Variants in IGFBPL1 observed in about 807,000 individuals in gnomAD.
IGFBPL1 encodes the protein insulin like growth factor binding protein like 1.
Under a neutral mutation model 23.9 loss-of-function variants are expected in IGFBPL1, and 20 were observed. The observed-to-expected ratio is 0.84, with a 90% CI of 0.59 to 1.22. IGFBPL1 has a LOEUF of 1.22. IGFBPL1 is among the 50% of genes most tolerant of loss of function. IGFBPL1 has a pLI of 0.00. For missense variants in IGFBPL1, 436 were observed against 379.3 expected, an observed-to-expected ratio of 1.15 and a Z score of -1.24; for synonymous variants, 184 against 171.8, an observed-to-expected ratio of 1.07 and a Z score of -0.56.
chr9:38,423,947 TC>T lies in IGFBPL1; in HGVS notation c.460+17del. 7.3e-7 allele frequency: 1 copy of T among 1,361,362 alleles called. No individual in the cohort carries two copies. Among genetic ancestry groups the T allele is most frequent in the South Asian group, 1.7e-5 (1 of 57,460 alleles). The allele number at this position is 1,361,362 out of a possible 1,614,324, so 84.3% of individuals were successfully genotyped here. A position where few individuals can be genotyped will look rare whatever the true frequency, so the allele number is the denominator to read the frequency against. ...AATCCCTCCTTCTCTACCCACCCAA[TC>T]CCCGACCCTGACTCACCGAACTCGC... On this transcript the variant is annotated intron_variant, in intron 1 of 4. Coordinates refer to ENST00000377694, the MANE Select transcript of IGFBPL1 (RefSeq NM_001007563.3).
At position 38,424,369 on chromosome 9, in the gene IGFBPL1, A is replaced by G. The variant is rs1419174396; in HGVS notation, c.56T>C (p.Leu19Pro). ...CCCAAGGCTCGGGGACAGCGGCGGC[A>G]GCAGCGGCAGCAGCAGCAGAAGCAG... ...PLLLLLLLPL[L>P]PPLSPSLGIR... Residue 19 changes from leucine to proline, a missense_variant, in exon 1 of 5, where the codon CTG becomes CCG. By Grantham distance (98) the Leu-to-Pro change is moderately conservative (BLOSUM62 -3). Transcript: ENST00000377694. The G allele has an allele frequency of 7.3e-6, 5 of 686,338 alleles. No homozygotes were observed. The highest frequency in any genetic ancestry group is 3.5e-5 in the East Asian group (1 of 28,234). 42.5% of individuals were successfully genotyped at this position (686,338 alleles called of 1,614,324 possible).
At chr9:38,417,639 G>A (rs565974099) in intron 1 of IGFBPL1, among the ~76,000 whole-genome samples, 1 of 152,318 alleles carries the variant, frequency 6.6e-6, no homozygotes, top group Non-Finnish European at 1.5e-5. Flanking sequence ...TACTCAGGCT[G>A]TGATTTAGTA....
At chr9:38,413,072 G>A (rs369636064) in intron 3 of IGFBPL1, among the ~76,000 whole-genome samples, 165 bp downstream of exon 3, 171 of 152,302 alleles carry the variant, frequency 1.1e-3, no homozygotes, top group African/African-American at 4.1e-3. Context: ...AGCAGAACAC[G>A]TATGTTCCCA....
chr9:38,417,975 TC>T (rs1291598433), intron 1 of IGFBPL1, among the ~76,000 whole-genome samples: 1 of 152,068 alleles, frequency 6.6e-6, no homozygotes, highest in Non-Finnish European at 1.5e-5. Flanking sequence ...GAAATCTAAG[TC>T]CCCAGATACC....
chr9:38,417,306 A>G (rs183858536), intron 1 of IGFBPL1, among the ~76,000 whole-genome samples: 14 of 152,282 alleles, frequency 9.2e-5, no homozygotes, highest in Non-Finnish European at 2.1e-4. Flanking sequence ...CCTTTTCCCT[A>G]GAGGACCCTT....
At position 38,424,095 on chromosome 9, in the gene IGFBPL1, C is replaced by T. The variant is rs1436016222; in HGVS notation, c.330G>A (p.Gln110=). The change falls in exon 1 of 5, where the codon CAG becomes CAA. Residue 110 remains glutamine, a synonymous_variant. Coordinates refer to ENST00000377694, the MANE Select transcript of IGFBPL1 (RefSeq NM_001007563.3). The part of the protein sequence containing the change: ...PEGTGLCVCA[Q]RGTVCGSDGR... ...CGTCGGAGCCGCAGACGGTGCCGCGCTGCGCGCACACGCAGAGCCCGGTGC... is the reference window on the plus strand; with the variant it reads ...CGTCGGAGCCGCAGACGGTGCCGCGTTGCGCGCACACGCAGAGCCCGGTGC... The T allele has an allele frequency of 6.6e-6, 9 of 1,369,856 alleles. No individual in the cohort carries two copies. The highest frequency in any genetic ancestry group is 8.5e-6 in the Non-Finnish European group (9 of 1,064,562). 84.9% of individuals were successfully genotyped at this position (1,369,856 alleles called of 1,614,324 possible).
In IGFBPL1 at chr9:38,411,541, G is replaced by A. The variant is rs755719618; in HGVS notation, c.696C>T (p.Pro232=). ...ACACACCCTCATCCTCCTTTCGCAG[G>A]GGGTTGATCTAGAAATACAACAGGC... ...HEATAWILIN[P]LRKEDEGVYQ... Residue 232 remains proline, a synonymous_variant, in exon 4 of 5, where the codon CCC becomes CCT. Coordinates refer to ENST00000377694, the MANE Select transcript of IGFBPL1 (RefSeq NM_001007563.3). 9 of 1,613,570 alleles carry A rather than the reference G, an allele frequency of 5.6e-6. No homozygotes were observed. The Admixed American group carries it at 1.5e-4, about 27-fold the overall frequency.
intron 1 of IGFBPL1, among the ~76,000 whole-genome samples, chr9:38,418,199 C>T (rs1821626921): frequency 6.6e-6 from 1 of 152,230 alleles, no homozygotes; most frequent in Non-Finnish European, 1.5e-5. Flanking sequence ...CAGCATGGCA[C>T]TGGAGTGCTC....
In IGFBPL1 at chr9:38,424,448, C is replaced by T. The variant is rs1821733381; in HGVS notation, c.-24G>A. On this transcript the variant is annotated 5_prime_UTR_variant, in exon 1 of 5. Coordinates refer to ENST00000377694, the MANE Select transcript of IGFBPL1 (RefSeq NM_001007563.3). ...ATGGCTTGCTCCGGGACAGCGGCGG[C>T]GCCTCTGCTTCGCGCTCCGCTCCGC... 2 of 508,074 alleles carry T rather than the reference C, an allele frequency of 3.9e-6. No individual in the cohort carries two copies. The highest frequency in any genetic ancestry group is 3.5e-5 in the Admixed American group (1 of 28,436). The allele number at this position is 508,074 out of a possible 1,614,324, so 31.5% of individuals were successfully genotyped here.
rs1271903870 is a variant in IGFBPL1, at chr9:38,407,213, C to T, written c.*2014G>A. ...AACCCCAGTAGACAAGAACAGCTTC[C>T]AGTGCCATCCATTTCAATTCTCATC... is the stretch of plus-strand genomic sequence containing the variant. On this transcript the variant is annotated 3_prime_UTR_variant, in exon 5 of 5. Coordinates refer to ENST00000377694, the MANE Select transcript of IGFBPL1 (RefSeq NM_001007563.3). 6.6e-6 allele frequency among the ~76,000 whole-genome samples: 1 copy of T among 152,252 alleles called. No homozygotes were observed. The highest frequency in any genetic ancestry group is 2.4e-5 in the African/African-American group (1 of 41,466).
chr9:38,408,584 C>T lies in IGFBPL1; in HGVS notation c.*643G>A, dbSNP rs1347010410. On this transcript the variant is annotated 3_prime_UTR_variant, in exon 5 of 5. Coordinates refer to ENST00000377694, the MANE Select transcript of IGFBPL1 (RefSeq NM_001007563.3). ...TTAGGAATAGAAGAGCTACAGCCAG[C>T]TGTCCACACGTTGGGGTAAAGCAAT... 6.6e-6 allele frequency among the ~76,000 whole-genome samples: 1 copy of T among 152,198 alleles called. No homozygotes were observed. The highest frequency in any genetic ancestry group is 1.5e-5 in the Non-Finnish European group (1 of 68,040).
chr9:38,424,301 G>A lies in IGFBPL1; in HGVS notation c.124C>T (p.Arg42Trp), dbSNP rs1821728707. ...GCAGGCGCCGGGCAGCCCTCTGGCC[G>A]GCACGGACCACACTTGGGGCGCCGG... ...GGRRPKCGPC[R>W]PEGCPAPAPC... Residue 42 changes from arginine (R) to tryptophan (W), a missense_variant, in exon 1 of 5, where the codon CGG becomes TGG. Arg to Trp is a moderately radical substitution (Grantham distance 101, BLOSUM62 -3). Transcript: ENST00000377694. The A allele has an allele frequency of 1.6e-6, 2 of 1,264,362 alleles. No homozygotes were observed. The highest frequency in any genetic ancestry group is 3.2e-5 in the Admixed American group (1 of 31,016). The allele number at this position is 1,264,362 out of a possible 1,614,324, so 78.3% of individuals were successfully genotyped here.
intron 4 of IGFBPL1, among the ~76,000 whole-genome samples, chr9:38,410,373 C>T (rs1821496232): frequency 6.6e-6 from 1 of 151,764 alleles, no homozygotes; most frequent in South Asian, 2.1e-4. Flanking sequence ...GTCCCAGCTA[C>T]TCGGGAGGCT....
rs953810572 is a variant in IGFBPL1 at position 38,408,347 on chromosome 9, G to A, written c.*880C>T. On this transcript the variant is annotated 3_prime_UTR_variant, in exon 5 of 5. Transcript: ENST00000377694. ...GGAGGCTGAGGTGGAACGATCACTCGAGCCCAGAAAGTGGAGGTTGCAGTG... is the reference window on the plus strand; with the variant it reads ...GGAGGCTGAGGTGGAACGATCACTCAAGCCCAGAAAGTGGAGGTTGCAGTG... Among the ~76,000 whole-genome samples the A allele has an allele frequency of 6.0e-5, 9 of 151,260 alleles. No homozygotes were observed. The highest frequency in any genetic ancestry group is 1.7e-4 in the African/African-American group (7 of 41,156).
intron 4 of IGFBPL1, among the ~76,000 whole-genome samples, chr9:38,410,764 T>A (rs984041885): frequency 6.6e-5 from 10 of 152,290 alleles, no homozygotes; most frequent in African/African-American, 2.4e-4. Context: ...TATAAAGTGA[T>A]CCCTTTCCCG....
intron 1 of IGFBPL1, among the ~76,000 whole-genome samples, chr9:38,417,448 C>T (rs138913816): frequency 6.6e-6 from 1 of 152,302 alleles, no homozygotes; most frequent in African/African-American, 2.4e-5. Flanking sequence ...ACCCAGGCAC[C>T]ATGATTCCAT....
chr9:38,413,226 T>G lies in IGFBPL1; in HGVS notation c.687+11A>C. 2 of 1,534,402 alleles carry G rather than the reference T, an allele frequency of 1.3e-6. No homozygotes were observed. The highest frequency in any genetic ancestry group is 1.4e-5 in the African/African-American group (1 of 73,430). ...GTCAGTCAATAATATCCAATAATCC[T>G]AAACACTCACCAAAATCCAGGCCGT... On this transcript the variant is annotated intron_variant, in intron 3 of 4. Coordinates refer to ENST00000377694, the MANE Select transcript of IGFBPL1 (RefSeq NM_001007563.3).
At position 38,418,831 on chromosome 9, in the gene IGFBPL1, A is replaced by T. The variant is rs1821634749; in HGVS notation, c.461-4628T>A. Among the ~76,000 whole-genome samples the T allele has an allele frequency of 1.3e-5, 2 of 152,134 alleles. 1 individual carries two copies. Among genetic ancestry groups the T allele is most frequent in the South Asian group, 4.1e-4 (2 of 4,826 alleles). On this transcript the variant is annotated intron_variant, in intron 1 of 4. Transcript: ENST00000377694. ...GCAGGTAAGACAGTCACCCAGATGC[A>T]CATGGTCACAGGAGGCAGTACTGTG... is the stretch of plus-strand genomic sequence containing the variant.
chr9:38,417,262 A>G (rs1023056286), intron 1 of IGFBPL1, among the ~76,000 whole-genome samples: 4 of 152,108 alleles, frequency 2.6e-5, no homozygotes, highest in African/African-American at 9.7e-5. Context: ...CCAGATCCCA[A>G]GCTCTTCTGA....
Sources: gnomAD v4.1 joint callset for allele counts (sites outside exome capture counted in the v4.1 genomes callset) on GRCh38, gnomAD v4.1.1 for gene constraint, MANE v1.5 for transcripts, NCBI Gene and HGNC (gene_info 2026-07-23, HGNC 2026-07-21) for gene names.